Variants in GAS2L2 observed in about 807,000 individuals in gnomAD.
GAS2L2 encodes the protein growth arrest specific 2 like 2.
In GAS2L2, 21 loss-of-function variants were observed where a neutral mutation model predicts 35.2. The ratio of observed to expected loss-of-function variants is 0.60; its 90% CI spans 0.42 to 0.86. The LOEUF (loss-of-function observed/expected upper bound fraction) is 0.86, where lower values mean the gene tolerates loss of function less well. Ranked by LOEUF, GAS2L2 falls within the 40% of genes least tolerant of loss-of-function variation. The pLI, the probability that GAS2L2 is intolerant of heterozygous loss-of-function variation, is 0.00. For missense variants in GAS2L2, 1,169 were observed against 1,144.4 expected, an observed-to-expected ratio of 1.02 and a Z score of -0.31; for synonymous variants, 490 against 473.2, an observed-to-expected ratio of 1.04 and a Z score of -0.46.
In GAS2L2 at chr17:35,745,327, C is replaced by G; in HGVS notation, c.2170G>C (p.Gly724Arg). 2 of 1,610,632 alleles carry G rather than the reference C, an allele frequency of 1.2e-6. No individual in the cohort carries two copies. The highest frequency in any genetic ancestry group is 1.7e-6 in the Non-Finnish European group (2 of 1,177,894). Residue 724 changes from glycine (G) to arginine (R), a missense_variant, in exon 6 of 6, where the codon GGG (glycine) becomes CGG (arginine). Physicochemically the swap from Gly to Arg is moderately radical, Grantham distance 125. Transcript: ENST00000604641. The stretch of plus-strand genomic sequence containing the variant: ...ACAGTAGAAGCCGAGCAGTCCTGCC[C>G]TCCCTGAGGTGGGACCTTCCTCATG... ...THMRKVPPQGGQDCSASTVSA... is the reference protein window; with the variant it reads ...THMRKVPPQGRQDCSASTVSA...
Position 35,745,522 on chromosome 17 carries a change from C to T in GAS2L2, c.1975G>A (p.Ala659Thr). The T allele has an allele frequency of 6.2e-7, 1 of 1,611,376 alleles. No individual in the cohort carries two copies. The highest frequency in any genetic ancestry group is 2.2e-5 in the East Asian group (1 of 44,814). The change falls in exon 6 of 6, where the codon GCT (alanine) becomes ACT (threonine). Residue 659 changes from alanine (A) to threonine (T), a missense_variant. By Grantham distance (58) the Ala-to-Thr change is moderately conservative. This residue lies in a region of GAS2L2 where 1,035 missense variants were observed against 976.5 expected (regional missense o/e 1.06). Transcript: ENST00000604641. ...TTAAGGAGGGATGGGGACCCCTGAG[C>T]CAGTTCTTGGATGGCTTTGTCATAA... ...GPYDKAIQEL[A>T]QGSPSLLKVD...
chr17:35,746,523 G>A (rs1416253637), intron 5 of GAS2L2, 112 bp from the exon 6 acceptor site: 4 of 627,700 alleles, frequency 6.4e-6, no homozygotes, highest in African/African-American at 3.8e-5. Context: ...AGAACACCCA[G>A]GAGGCTAGAC....
At chr17:35,752,417 C>A in intron 1 of GAS2L2, 49 bp downstream of exon 1, 2 of 1,515,414 alleles carry the variant, frequency 1.3e-6, no homozygotes, top group Non-Finnish European at 1.8e-6. Flanking sequence ...AGGACCAATA[C>A]CCCCCAAGAT....
In GAS2L2 at chr17:35,752,558, G is replaced by A. The variant is rs1342756079; in HGVS notation, c.293C>T (p.Ser98Phe). 1.9e-6 allele frequency: 3 copies of A among 1,613,654 alleles called. No individual in the cohort carries two copies. The highest frequency in any genetic ancestry group is 3.3e-5 in the Admixed American group (2 of 60,014). The part of the protein sequence containing the change: ...QKIPMPRVGV[S>F]CNGAAQPGTF... ...ACCTGGCTGGGCGGCCCCATTGCAG[G>A]AGACCCCGACCCGGGGCATGGGAAT... The change falls in exon 1 of 6, where the codon TCC becomes TTC. Residue 98 changes from serine to phenylalanine, a missense_variant. Ser to Phe is a radical substitution (Grantham distance 155). Coordinates refer to ENST00000604641, the MANE Select transcript of GAS2L2 (RefSeq NM_139285.4).
In GAS2L2 at chr17:35,750,124, C is replaced by G. The variant is rs782698841; in HGVS notation, c.580G>C (p.Ala194Pro). 6.2e-7 allele frequency: 1 copy of G among 1,600,826 alleles called. No homozygotes were observed. The change falls in exon 2 of 6, where the codon GCG becomes CCG. Residue 194 changes from alanine to proline, a missense_variant. Coordinates refer to ENST00000604641, the MANE Select transcript of GAS2L2 (RefSeq NM_139285.4). ...TGGCAGGGCTGGCGCCTGGGGGGCG[C>G]TGGCGGCGAGGGGTCGGGCGGGGGC... ...ALPPPDPSPP[A>P]PPRRQPCHFR...
chr17:35,749,263 G>T, intron 2 of GAS2L2, 46 bp from the exon 3 acceptor site: 1 of 1,327,538 alleles, frequency 7.5e-7, no homozygotes, highest in Non-Finnish European at 1.1e-6. Flanking sequence ...CCCACTCTGG[G>T]TCAAAATGGG....
Position 35,745,427 on chromosome 17 carries a change from T to C in GAS2L2, c.2070A>G (p.Gly690=). The change falls in exon 6 of 6, where the codon GGA becomes GGG. Residue 690 remains glycine, a synonymous_variant. Coordinates refer to ENST00000604641, the MANE Select transcript of GAS2L2 (RefSeq NM_139285.4). ...TGGCTCCCAACTTCCCTTTGAGGCTTCCCGGTCCTGGGGTAACAGCTGGCT... is the reference window on the plus strand; with the variant it reads ...TGGCTCCCAACTTCCCTTTGAGGCTCCCCGGTCCTGGGGTAACAGCTGGCT... ...SPKPAVTPGP[G]SLKGKLGARQ... 1 of 1,572,908 alleles carries C rather than the reference T, an allele frequency of 6.4e-7. No individual in the cohort carries two copies. Among genetic ancestry groups the C allele is most frequent in the Non-Finnish European group, 8.6e-7 (1 of 1,158,604 alleles).
intron 2 of GAS2L2, 68 bp from the exon 3 acceptor site, chr17:35,749,285 C>A (rs1454937544): frequency 1.1e-6 from 1 of 952,102 alleles, no homozygotes; most frequent in East Asian, 2.6e-5. Context: ...GGCCTACCTG[C>A]CCCCCAGGTC....
rs587627832 is a variant in GAS2L2, at chr17:35,747,939, G to T, written c.742C>A (p.Arg248=). ...SNTLIFIRIL[R]NHVMVRVGGG... is the part of the protein sequence containing the mutation. ...CCTACACGTACCATCACATGGTTCCGGAGGATCTGAGGGGGCAAGGGTGAG... is the reference window on the plus strand; with the variant it reads ...CCTACACGTACCATCACATGGTTCCTGAGGATCTGAGGGGGCAAGGGTGAG... Residue 248 remains arginine, a synonymous_variant, in exon 4 of 6, where the codon CGG becomes AGG. Coordinates refer to ENST00000604641, the MANE Select transcript of GAS2L2 (RefSeq NM_139285.4). 2.4e-5 allele frequency: 38 copies of T among 1,613,242 alleles called. No individual in the cohort carries two copies. Among genetic ancestry groups the T allele is most frequent in the Non-Finnish European group, 3.0e-5 (35 of 1,179,488 alleles).
rs1377127274 is a variant in GAS2L2, at chr17:35,745,469, G to A, written c.2028C>T (p.Ala676=). 54 of 1,592,900 alleles carry A rather than the reference G, an allele frequency of 3.4e-5. No individual in the cohort carries two copies. Among genetic ancestry groups the A allele is most frequent in the Non-Finnish European group, 4.5e-5 (52 of 1,168,010 alleles). Residue 676 remains alanine (A), a synonymous_variant, in exon 6 of 6, where the codon GCC becomes GCT. Coordinates refer to ENST00000604641, the MANE Select transcript of GAS2L2 (RefSeq NM_139285.4). ...LKVDLEAWKA[A]PTGSPKPAVT... is the part of the protein sequence containing the mutation. The stretch of plus-strand genomic sequence containing the variant: ...CAGCTGGCTTAGGGGAGCCAGTCGG[G>A]GCTGCCTTCCAGGCTTCCAGGTCCA...
At chr17:35,752,394 G>T in intron 1 of GAS2L2, 72 bp downstream of exon 1, 2 of 1,448,994 alleles carry the variant, frequency 1.4e-6, no homozygotes, top group Non-Finnish European at 1.9e-6. Context: ...GAGCTAGCCT[G>T]TGCATTTGAG....
At chr17:35,746,842 A>C (rs1432330015) in intron 5 of GAS2L2, among the ~76,000 whole-genome samples, 174 bp downstream of exon 5, 1 of 152,186 alleles carries the variant, frequency 6.6e-6, no homozygotes, top group East Asian at 1.9e-4. Flanking sequence ...ATGGGAAGGC[A>C]TATGAAGTAA....
Position 35,744,849 on chromosome 17 carries a change from G to A in GAS2L2, c.*5C>T, listed in dbSNP as rs2085652879. The A allele has an allele frequency of 3.2e-6, 5 of 1,569,074 alleles. No individual in the cohort carries two copies. Among genetic ancestry groups the A allele is most frequent in the Non-Finnish European group, 4.3e-6 (5 of 1,155,398 alleles). The stretch of plus-strand genomic sequence containing the variant: ...CTTCCCTCCTACCCAACACGCTCAT[G>A]TGCCTCAGACCCAGGACTCCTCCTC... On this transcript the variant is annotated 3_prime_UTR_variant, in exon 6 of 6. Coordinates refer to ENST00000604641, the MANE Select transcript of GAS2L2 (RefSeq NM_139285.4).
At position 35,752,716 on chromosome 17, in the gene GAS2L2, G is replaced by A. The variant is rs1164983002; in HGVS notation, c.135C>T (p.Leu45=). The change falls in exon 1 of 6, where the codon CTC becomes CTT. Residue 45 remains leucine (L), a synonymous_variant. Transcript: ENST00000604641. ...KEDLAEWLRD[L]YGLDIDAANF... is the part of the protein sequence containing the mutation. Reference sequence around the variant, plus strand: ...TGGCTGCGTCGATGTCCAGCCCATAGAGGTCGCGAAGCCACTCAGCCAGGT... The same window carrying A: ...TGGCTGCGTCGATGTCCAGCCCATAAAGGTCGCGAAGCCACTCAGCCAGGT... 1 of 1,613,990 alleles carries A rather than the reference G, an allele frequency of 6.2e-7. No homozygotes were observed. The highest frequency in any genetic ancestry group is 1.3e-5 in the African/African-American group (1 of 75,042).
chr17:35,746,519 C>T (rs2085669665), intron 5 of GAS2L2, 108 bp from the exon 6 acceptor site: 1 of 650,750 alleles, frequency 1.5e-6, no homozygotes, highest in Non-Finnish European at 2.3e-6. Context: ...AGTGAGAACA[C>T]CCAGGAGGCT....
Position 35,749,121 on chromosome 17 carries a change from T to C in GAS2L2, c.724A>G (p.Ile242Val), listed in dbSNP as rs1555599398. The C allele has an allele frequency of 2.4e-5, 39 of 1,611,706 alleles. No individual in the cohort carries two copies. The East Asian group carries it at 8.7e-4, about 36-fold the overall frequency. Residue 242 changes from isoleucine to valine, a missense_variant, in exon 3 of 6, where the codon ATC becomes GTC. Coordinates refer to ENST00000604641, the MANE Select transcript of GAS2L2 (RefSeq NM_139285.4). ...KYRVGDSNTL[I>V]FIRILRNHVM... is the part of the protein sequence containing the mutation. ...CAGCCTGGACTTACCCGGATGAAGA[T>C]GAGGGTGTTGGAGTCACCCACACGG...
chr17:35,750,382 G>A, intron 1 of GAS2L2, 64 bp from the exon 2 acceptor site: 1 of 1,606,726 alleles, frequency 6.2e-7, no homozygotes. Context: ...CTGAGCCTCC[G>A]GGGCAGGGGC....
Position 35,752,577 on chromosome 17 carries a change from T to C in GAS2L2, c.274A>G (p.Met92Val), listed in dbSNP as rs1306539009. The C allele has an allele frequency of 6.2e-7, 1 of 1,613,824 alleles. No homozygotes were observed. The highest frequency in any genetic ancestry group is 8.5e-7 in the Non-Finnish European group (1 of 1,179,816). Residue 92 changes from methionine to valine, a missense_variant, in exon 1 of 6, where the codon ATG becomes GTG. By Grantham distance (21) the Met-to-Val change is conservative (BLOSUM62 1). Around this residue, in one of 3 missense-constraint regions of GAS2L2, gnomAD observed 127 missense variants for 146.1 expected, o/e 0.87. Transcript: ENST00000604641. ...TTGCAGGAGACCCCGACCCGGGGCA[T>C]GGGAATCTTCTGGGCTTGGGCAGGT... The part of the protein sequence containing the change: ...EAPAQAQKIP[M>V]PRVGVSCNGA...
Position 35,745,315 on chromosome 17 carries a change from A to G in GAS2L2, c.2182T>C (p.Ser728Pro). Residue 728 changes from serine to proline, a missense_variant, in exon 6 of 6, where the codon TCG (serine) becomes CCG (proline). By Grantham distance (74) the Ser-to-Pro change is moderately conservative. Coordinates refer to ENST00000604641, the MANE Select transcript of GAS2L2 (RefSeq NM_139285.4). ...KVPPQGGQDCSASTVSASPEA... is the reference protein window; with the variant it reads ...KVPPQGGQDCPASTVSASPEA... Reference sequence around the variant, plus strand: ...GGGCTGGCAGACACAGTAGAAGCCGAGCAGTCCTGCCCTCCCTGAGGTGGG... The same window carrying G: ...GGGCTGGCAGACACAGTAGAAGCCGGGCAGTCCTGCCCTCCCTGAGGTGGG... The G allele has an allele frequency of 6.2e-7, 1 of 1,612,116 alleles. No individual in the cohort carries two copies. Among genetic ancestry groups the G allele is most frequent in the Non-Finnish European group, 8.5e-7 (1 of 1,178,910 alleles).
Sources: gnomAD v4.1 joint callset for allele counts (sites outside exome capture counted in the v4.1 genomes callset) on GRCh38, gnomAD v4.1.1 for gene constraint, gnomAD v4.1.1 regional missense constraint, MANE v1.5 for transcripts, NCBI Gene and HGNC (gene_info 2026-07-23, HGNC 2026-07-21) for gene names.